Variants in WASL observed in about 807,000 individuals in gnomAD.
WASL encodes the protein actin nucleation-promoting factor WASL.
Under a neutral mutation model 55.5 loss-of-function variants are expected in WASL, and 20 were observed. That is an observed-to-expected ratio of 0.36 (90% confidence interval 0.25 to 0.52). The LOEUF is 0.52. WASL is among the 20% of genes least tolerant of loss of function. The probability of loss-of-function intolerance (pLI) is 0.92; values close to 1 mark genes in which losing one functional copy is unlikely to be tolerated. For missense variants in WASL, 504 were observed against 622.5 expected (o/e 0.81, Z 2.03); for synonymous variants, 249 against 217.6 (o/e 1.14, Z -1.27).
chr7:123,741,531 A>C (rs1804342111), intron 1 of WASL, among the ~76,000 whole-genome samples: 1 of 152,212 alleles, frequency 6.6e-6, no homozygotes, highest in Non-Finnish European at 1.5e-5. Context: ...AGTGAACTCT[A>C]TTAGGAAAGC....
intron 8 of WASL, among the ~76,000 whole-genome samples, chr7:123,694,210 G>A (rs879410140): frequency 2.0e-5 from 3 of 152,038 alleles, no homozygotes; most frequent in Admixed American, 6.5e-5. Context: ...ACTGAAATAC[G>A]AGGTCCTTTA....
intron 1 of WASL, among the ~76,000 whole-genome samples, chr7:123,720,837 C>A (rs1472016911): frequency 6.6e-6 from 1 of 151,256 alleles, no homozygotes; most frequent in Non-Finnish European, 1.5e-5. Flanking sequence ...GATGTATTGG[C>A]TTTCCAAAAA....
At chr7:123,694,468 T>TA (rs1803461234) in intron 8 of WASL, among the ~76,000 whole-genome samples, 1 of 152,190 alleles carries the variant, frequency 6.6e-6, no homozygotes, top group African/African-American at 2.4e-5. Context: ...GTTTTTACTT[T>TA]AAAATAGAAT....
chr7:123,693,540 T>C (rs1803446614), intron 8 of WASL, among the ~76,000 whole-genome samples: 1 of 152,250 alleles, frequency 6.6e-6, no homozygotes, highest in East Asian at 1.9e-4. Context: ...AGACATGAAC[T>C]GGTTATTAAC....
At chr7:123,688,590 G>A (rs550000844) in intron 10 of WASL, among the ~76,000 whole-genome samples, 6 of 152,148 alleles carry the variant, frequency 3.9e-5, no homozygotes, top group East Asian at 3.9e-4. Flanking sequence ...TCGAACTCCC[G>A]ACCTCAGGTG....
At chr7:123,701,661 T>C (rs1301679278) in intron 5 of WASL, among the ~76,000 whole-genome samples, 1 of 152,210 alleles carries the variant, frequency 6.6e-6, no homozygotes, top group Non-Finnish European at 1.5e-5. Context: ...ACAAAGCACC[T>C]GCATAGCTAC....
intron 1 of WASL, among the ~76,000 whole-genome samples, chr7:123,747,343 T>A (rs948547629): frequency 1.3e-5 from 2 of 152,186 alleles, no homozygotes; most frequent in Non-Finnish European, 2.9e-5. Context: ...TCTTGTTTCA[T>A]CCTTCTAATC....
chr7:123,708,551 A>G (rs1803706437), intron 2 of WASL, among the ~76,000 whole-genome samples: 1 of 152,174 alleles, frequency 6.6e-6, no homozygotes, highest in Non-Finnish European at 1.5e-5. Flanking sequence ...AATCTATAAC[A>G]ATGTGATTTA....
chr7:123,738,983 G>T (rs1804284753), intron 1 of WASL, among the ~76,000 whole-genome samples: 1 of 152,144 alleles, frequency 6.6e-6, no homozygotes, highest in Non-Finnish European at 1.5e-5. Flanking sequence ...TGGGCCGCAG[G>T]TTGGACAAGC....
intron 1 of WASL, among the ~76,000 whole-genome samples, chr7:123,716,237 G>A (rs1803838874): frequency 6.6e-6 from 1 of 152,034 alleles, no homozygotes; most frequent in Admixed American, 6.6e-5. Flanking sequence ...TATTTAGATG[G>A]AGGCTCGCTC....
At chr7:123,709,757 T>C (rs559378201) in intron 1 of WASL, among the ~76,000 whole-genome samples, 23 of 152,276 alleles carry the variant, frequency 1.5e-4, no homozygotes, top group African/African-American at 5.1e-4. Context: ...AGCACTTATC[T>C]AGATAAGGAT....
intron 1 of WASL, among the ~76,000 whole-genome samples, chr7:123,717,968 T>C (rs1322909497): frequency 6.6e-6 from 1 of 152,142 alleles, no homozygotes; most frequent in Non-Finnish European, 1.5e-5. Flanking sequence ...CTCTGTCAAG[T>C]CTTATGCAAG....
At chr7:123,735,474 T>C (rs1342330063) in intron 1 of WASL, among the ~76,000 whole-genome samples, 3 of 151,950 alleles carry the variant, frequency 2.0e-5, no homozygotes, top group Non-Finnish European at 4.4e-5. Flanking sequence ...AGAACAGTTG[T>C]TATATCTGTA....
intron 5 of WASL, among the ~76,000 whole-genome samples, chr7:123,698,573 A>G (rs1372384726): frequency 2.0e-5 from 3 of 152,090 alleles, no homozygotes; most frequent in Non-Finnish European, 4.4e-5. Flanking sequence ...TAATAATCCT[A>G]AAGTTTTAGT....
At chr7:123,689,678 T>G (rs1271838707) in intron 9 of WASL, among the ~76,000 whole-genome samples, 1 of 152,160 alleles carries the variant, frequency 6.6e-6, no homozygotes, top group African/African-American at 2.4e-5. Flanking sequence ...GTATATAATT[T>G]CTTTTTAAGG....
At chr7:123,728,683 T>C (rs937708431) in intron 1 of WASL, among the ~76,000 whole-genome samples, 2 of 151,850 alleles carry the variant, frequency 1.3e-5, no homozygotes, top group Admixed American at 6.6e-5. Context: ...CTACTAAAAA[T>C]ACAAAAAAAT....
chr7:123,747,142 CATG>C (rs1380761579), intron 1 of WASL, among the ~76,000 whole-genome samples: 2 of 152,162 alleles, frequency 1.3e-5, no homozygotes, highest in East Asian at 3.8e-4. Flanking sequence ...TCTAAAACAA[CATG>C]ATGTAGTGCA....
intron 9 of WASL, among the ~76,000 whole-genome samples, chr7:123,690,312 T>C (rs1390793947): frequency 3.3e-5 from 5 of 152,198 alleles, no homozygotes; most frequent in African/African-American, 1.2e-4. Context: ...CAAAAATATA[T>C]GTGAGTATTC....
chr7:123,713,422 G>A (rs1411301499), intron 1 of WASL, among the ~76,000 whole-genome samples: 4 of 152,002 alleles, frequency 2.6e-5, no homozygotes, highest in Admixed American at 2.6e-4. Flanking sequence ...TAAAGTGTAG[G>A]GATTACAGAT....
Sources: allele counts gnomAD v4.1 joint callset (sites outside exome capture counted in the v4.1 genomes callset), GRCh38; gene constraint gnomAD v4.1.1; transcripts MANE v1.5; gene names NCBI Gene and HGNC (gene_info 2026-07-23, HGNC 2026-07-21).